The following ZC3H12B variants were observed in gnomAD, a reference collection of about 807,000 sequenced individuals.
The protein encoded by ZC3H12B is probable ribonuclease ZC3H12B.
A neutral mutation model predicts 43.9 loss-of-function variants in ZC3H12B; 7 were observed. The observed-to-expected ratio is 0.16, with a 90% CI of 0.09 to 0.30. The LOEUF (loss-of-function observed/expected upper bound fraction) is 0.30, where lower values mean the gene tolerates loss of function less well. Ranked by LOEUF, ZC3H12B falls within the 10% of genes least tolerant of loss-of-function variation. The pLI is 1.00. For missense variants in ZC3H12B, 475 were observed against 670.2 expected (o/e 0.71, Z 3.22); for synonymous variants, 222 against 241.7 (o/e 0.92, Z 0.76).
chrX:65,126,315 C>A, the ZC3H12B span, among the ~76,000 whole-genome samples: 2 of 111,097 alleles, frequency 1.8e-5, no homozygotes, highest in Admixed American at 9.6e-5. Flanking sequence ...AGATAGGATC[C>A]AAATCCCTTC....
intron 3 of ZC3H12B, among the ~76,000 whole-genome samples, chrX:65,421,699 C>T (rs954963404): frequency 7.1e-5 from 8 of 112,221 alleles, no homozygotes; most frequent in Non-Finnish European, 1.1e-4. Flanking sequence ...CGGTGGCTCA[C>T]GCCTGTAATC....
At chrX:65,322,252 C>T in the ZC3H12B span, among the ~76,000 whole-genome samples, 2 of 111,448 alleles carry the variant, frequency 1.8e-5, no homozygotes, top group Admixed American at 1.9e-4. Flanking sequence ...AGAACTCACC[C>T]ACCATCCCCC....
the ZC3H12B span, among the ~76,000 whole-genome samples, chrX:65,251,017 C>T: frequency 4.4e-4 from 49 of 111,778 alleles, no homozygotes; most frequent in African/African-American, 4.2e-4. Flanking sequence ...TTGCCTATGC[C>T]GATGTCCTGA....
At chrX:65,276,137 A>G in the ZC3H12B span, among the ~76,000 whole-genome samples, 1 of 111,643 alleles carries the variant, frequency 9.0e-6, no homozygotes, top group Admixed American at 9.6e-5. Flanking sequence ...GAAATAACAC[A>G]GGCAGACAAA....
At chrX:65,277,330 A>T in the ZC3H12B span, among the ~76,000 whole-genome samples, 2 of 111,650 alleles carry the variant, frequency 1.8e-5, no homozygotes, top group African/African-American at 3.2e-5. Context: ...ATCAACTAAG[A>T]TACATCAGAT....
the ZC3H12B span, among the ~76,000 whole-genome samples, chrX:65,233,592 G>C: frequency 1.8e-5 from 2 of 108,398 alleles, no homozygotes; most frequent in Non-Finnish European, 3.8e-5. Flanking sequence ...ATGGGATATG[G>C]AAAAAGCAGT....
At chrX:65,212,339 TA>T in the ZC3H12B span, among the ~76,000 whole-genome samples, 2 of 47,726 alleles carry the variant, frequency 4.2e-5, no homozygotes, top group African/African-American at 1.9e-4. Flanking sequence ...ATATAATATA[TA>T]ATATAAATAT....
the ZC3H12B span, among the ~76,000 whole-genome samples, chrX:65,258,886 A>G: frequency 9.0e-6 from 1 of 111,450 alleles, no homozygotes; most frequent in African/African-American, 3.3e-5. Context: ...CTACAAGGAA[A>G]ATTACAAAAC....
the ZC3H12B span, among the ~76,000 whole-genome samples, chrX:65,237,792 A>C: frequency 1.8e-5 from 2 of 111,264 alleles, no homozygotes; most frequent in African/African-American, 3.3e-5. Context: ...AATTTTATTG[A>C]AGGCCTTTTC....
the ZC3H12B span, among the ~76,000 whole-genome samples, chrX:65,196,730 A>G: frequency 9.0e-6 from 1 of 111,402 alleles, no homozygotes; most frequent in Non-Finnish European, 1.9e-5. Flanking sequence ...CTAAAAAGGG[A>G]GATGAGGAGA....
the ZC3H12B span, among the ~76,000 whole-genome samples, chrX:65,321,079 A>G: frequency 4.5e-5 from 5 of 111,929 alleles, no homozygotes; most frequent in African/African-American, 1.6e-4. Context: ...TGCACCACCA[A>G]ATAAACTATC....
chrX:65,268,363 ACT>A, the ZC3H12B span, among the ~76,000 whole-genome samples: 1 of 111,571 alleles, frequency 9.0e-6, no homozygotes, highest in Non-Finnish European at 1.9e-5. Flanking sequence ...TAGTTTTTAA[ACT>A]CTTTCAAAAA....
the ZC3H12B span, among the ~76,000 whole-genome samples, chrX:65,050,892 C>T: frequency 1.1e-4 from 12 of 111,210 alleles, no homozygotes; most frequent in African/African-American, 3.9e-4. Context: ...TTCTTTTCTT[C>T]TTGTGTCTTT....
At chrX:65,117,662 C>A in the ZC3H12B span, among the ~76,000 whole-genome samples, 1 of 111,613 alleles carries the variant, frequency 9.0e-6, no homozygotes, top group Non-Finnish European at 1.9e-5. Context: ...ATGGTATTGC[C>A]TAGGTTTTCT....
intron 2 of ZC3H12B, among the ~76,000 whole-genome samples, chrX:65,382,263 T>G (rs1602350045): frequency 9.1e-6 from 1 of 109,715 alleles, no homozygotes; most frequent in African/African-American, 3.3e-5. Flanking sequence ...CATGATCAAG[T>G]GGGCTTCATC....
At chrX:65,249,756 T>C in the ZC3H12B span, among the ~76,000 whole-genome samples, 3 of 109,553 alleles carry the variant, frequency 2.7e-5, no homozygotes, top group East Asian at 2.9e-4. Context: ...GTTTTCCTTG[T>C]AGAGGTCTTT....
chrX:65,047,823 A>G, the ZC3H12B span, among the ~76,000 whole-genome samples: 3 of 110,487 alleles, frequency 2.7e-5, no homozygotes, highest in African/African-American at 6.5e-5. Flanking sequence ...TTAAAAGAAA[A>G]ACTACTCTGC....
chrX:65,130,289 G>A, the ZC3H12B span, among the ~76,000 whole-genome samples: 1 of 111,063 alleles, frequency 9.0e-6, no homozygotes, highest in Admixed American at 9.6e-5. Context: ...TATTAAAAGT[G>A]GGCCCGTTAT....
chrX:65,230,842 G>C, the ZC3H12B span, among the ~76,000 whole-genome samples: 1 of 111,430 alleles, frequency 9.0e-6, no homozygotes, highest in African/African-American at 3.3e-5. Flanking sequence ...TTTTCTGAAG[G>C]TATAAACTCA....
Sources: allele counts gnomAD v4.1 joint callset (sites outside exome capture counted in the v4.1 genomes callset), GRCh38; gene constraint gnomAD v4.1.1; transcripts MANE v1.5; gene names NCBI Gene and HGNC (gene_info 2026-07-23, HGNC 2026-07-21).